The following SH3GL2 variants were observed in gnomAD, a reference collection of about 807,000 sequenced individuals.
The protein encoded by SH3GL2 is SH3 domain containing GRB2 like 2, endophilin A1.
A neutral mutation model predicts 46.0 loss-of-function variants in SH3GL2; 24 were observed. That is an observed-to-expected ratio of 0.52 (90% CI 0.38 to 0.73). SH3GL2 has a LOEUF of 0.73. Ranked by LOEUF, SH3GL2 falls within the 30% of genes least tolerant of loss-of-function variation. The pLI, the probability that SH3GL2 is intolerant of heterozygous loss-of-function variation, is 0.00. For missense variants in SH3GL2, 413 were observed against 424.2 expected, an observed-to-expected ratio of 0.97 and a Z score of 0.23; for synonymous variants, 196 against 147.1, an observed-to-expected ratio of 1.33 and a Z score of -2.40.
At chr9:17,764,597 A>G (rs527625242) in intron 3 of SH3GL2, among the ~76,000 whole-genome samples, 14 of 152,316 alleles carry the variant, frequency 9.2e-5, no homozygotes, top group African/African-American at 2.6e-4. Flanking sequence ...ATTTACATGG[A>G]CAGGCCAGGG....
intron 1 of SH3GL2, among the ~76,000 whole-genome samples, chr9:17,722,857 G>A (rs917130630): frequency 5.9e-5 from 9 of 152,240 alleles, no homozygotes; most frequent in African/African-American, 2.2e-4. Flanking sequence ...ATCCAGGTGA[G>A]AGATGCATAT....
rs550596238 is a variant in SH3GL2, at chr9:17,767,745, A to G, written c.187+6236A>G. 5.9e-5 allele frequency among the ~76,000 whole-genome samples: 9 copies of G among 152,332 alleles called. No individual in the cohort carries two copies. The South Asian group carries it at 6.2e-4, about 11-fold the overall frequency. ...TTCCATTTCCACATCCTGGCAATGAAAAATAATCAAAATGCATAAAGGACA... is the reference window on the plus strand; with the variant it reads ...TTCCATTTCCACATCCTGGCAATGAGAAATAATCAAAATGCATAAAGGACA... On this transcript the variant is annotated intron_variant, in intron 3 of 8. Coordinates refer to ENST00000380607, the MANE Select transcript of SH3GL2 (RefSeq NM_003026.5).
chr9:17,622,976 G>GTTCCTTTCC (rs1819179220), intron 1 of SH3GL2, among the ~76,000 whole-genome samples: 1 of 78,712 alleles, frequency 1.3e-5, no homozygotes, highest in Non-Finnish European at 2.9e-5. Context: ...TTTTCCTTTC[G>GTTCCTTTCC]TTTCCTTTCG....
chr9:17,669,001 G>T (rs1820407866), intron 1 of SH3GL2, among the ~76,000 whole-genome samples: 1 of 152,136 alleles, frequency 6.6e-6, no homozygotes, highest in African/African-American at 2.4e-5. Flanking sequence ...GATTTCAGGT[G>T]CCACCTGTAG....
At chr9:17,736,227 G>C (rs187677450) in intron 1 of SH3GL2, among the ~76,000 whole-genome samples, 1 of 152,110 alleles carries the variant, frequency 6.6e-6, no homozygotes, top group African/African-American at 2.4e-5. Flanking sequence ...TGTCTGCCCT[G>C]TCACTGGAAG....
rs186593403 is a variant in SH3GL2 at position 17,668,227 on chromosome 9, T to A, written c.46-78839T>A. The stretch of plus-strand genomic sequence containing the variant: ...TTTACAAAGACTAATGACGATGTTT[T>A]CTTTTAAGAGCTTTATAGTTTTAGC... On this transcript the variant is annotated intron_variant, in intron 1 of 8. Transcript: ENST00000380607. Among the ~76,000 whole-genome samples, 8 of 152,358 alleles carry A rather than the reference T, an allele frequency of 5.3e-5. No homozygotes were observed. In the East Asian group the frequency reaches 1.5e-3, roughly 29 times the overall value.
chr9:17,598,238 A>G (rs1818609902), intron 1 of SH3GL2, among the ~76,000 whole-genome samples: 1 of 152,172 alleles, frequency 6.6e-6, no homozygotes, highest in Non-Finnish European at 1.5e-5. Context: ...CATAAAAAAG[A>G]GCAGGTTATG....
At chr9:17,619,835 G>T (rs12337388) in intron 1 of SH3GL2, among the ~76,000 whole-genome samples, 4,820 of 151,866 alleles carry the variant, frequency 0.032, 81 homozygotes, top group African/African-American at 0.048. Flanking sequence ...TTTCTTTAGA[G>T]AATGTTTTAA....
intron 1 of SH3GL2, among the ~76,000 whole-genome samples, chr9:17,621,176 CTG>C (rs1210637559): frequency 6.6e-6 from 1 of 152,162 alleles, no homozygotes; most frequent in African/African-American, 2.4e-5. Flanking sequence ...TATCAATAAT[CTG>C]TGAATGTATA....
At chr9:17,732,895 C>T (rs1317887418) in intron 1 of SH3GL2, among the ~76,000 whole-genome samples, 2 of 152,086 alleles carry the variant, frequency 1.3e-5, no homozygotes, top group Non-Finnish European at 2.9e-5. Flanking sequence ...AGATCCTTTC[C>T]TGGGAACAGA....
At chr9:17,756,887 T>C (rs1446650556) in intron 2 of SH3GL2, among the ~76,000 whole-genome samples, 1 of 152,202 alleles carries the variant, frequency 6.6e-6, no homozygotes, top group Non-Finnish European at 1.5e-5. Context: ...TCTAGATCCC[T>C]GAGGAATTGC....
chr9:17,783,598 G>T (rs1434192115), intron 3 of SH3GL2, among the ~76,000 whole-genome samples: 2 of 152,014 alleles, frequency 1.3e-5, no homozygotes, highest in Admixed American at 1.3e-4. Flanking sequence ...AGCCTCAACT[G>T]CCCCCATTTG....
chr9:17,621,699 A>G (rs1320831217), intron 1 of SH3GL2, among the ~76,000 whole-genome samples: 2 of 152,312 alleles, frequency 1.3e-5, no homozygotes, highest in East Asian at 1.9e-4. Context: ...AGGACTCACT[A>G]AAAGATGCGT....
At chr9:17,634,557 G>A (rs1414343177) in intron 1 of SH3GL2, among the ~76,000 whole-genome samples, 1 of 152,140 alleles carries the variant, frequency 6.6e-6, no homozygotes. Context: ...TTAGCTTCTT[G>A]TTCTTGGTTC....
chr9:17,683,475 A>G (rs1820826479), intron 1 of SH3GL2, among the ~76,000 whole-genome samples: 1 of 152,094 alleles, frequency 6.6e-6, no homozygotes, highest in African/African-American at 2.4e-5. Flanking sequence ...GCTAGGGGAA[A>G]GGAACAGGAA....
chr9:17,751,839 T>C (rs770214903), intron 2 of SH3GL2, among the ~76,000 whole-genome samples: 3 of 151,682 alleles, frequency 2.0e-5, no homozygotes, highest in Non-Finnish European at 4.4e-5. Context: ...GCGTGGAGCA[T>C]TGTGCTAAGA....
chr9:17,790,111 G>C (rs1371072052), intron 6 of SH3GL2, among the ~76,000 whole-genome samples: 1 of 152,178 alleles, frequency 6.6e-6, no homozygotes, highest in Non-Finnish European at 1.5e-5. Flanking sequence ...GCCTAGAGCT[G>C]TGACATCCAA....
chr9:17,745,882 A>G (rs1822667691), intron 1 of SH3GL2, among the ~76,000 whole-genome samples: 1 of 152,166 alleles, frequency 6.6e-6, no homozygotes, highest in Non-Finnish European at 1.5e-5. Context: ...TCTGTGTGCG[A>G]TAACTTTATG....
intron 3 of SH3GL2, among the ~76,000 whole-genome samples, chr9:17,779,475 A>G (rs1347529248): frequency 2.0e-5 from 3 of 152,060 alleles, no homozygotes; most frequent in Non-Finnish European, 4.4e-5. Flanking sequence ...AGGCTCTCTG[A>G]GGTTCCATAT....
Sources: allele counts gnomAD v4.1 joint callset (sites outside exome capture counted in the v4.1 genomes callset), GRCh38; gene constraint gnomAD v4.1.1; transcripts MANE v1.5; gene names NCBI Gene and HGNC (gene_info 2026-07-23, HGNC 2026-07-21).